The following TACO1 variants were observed in gnomAD, a reference collection of about 807,000 sequenced individuals.
TACO1 encodes the protein translational activator of cytochrome c oxidase 1.
In TACO1, 13 loss-of-function variants were observed where a neutral mutation model predicts 24.0. The ratio of observed to expected loss-of-function variants is 0.54; its 90% CI spans 0.35 to 0.86. The LOEUF (loss-of-function observed/expected upper bound fraction) is 0.86, where lower values mean the gene tolerates loss of function less well. TACO1 is among the 40% of genes least tolerant of loss of function. The pLI, the probability that TACO1 is intolerant of heterozygous loss-of-function variation, is 0.01. For synonymous variants in TACO1, 149 were observed against 153.5 expected, an observed-to-expected ratio of 0.97 and a Z score of 0.22; for missense variants, 352 against 380.1, an observed-to-expected ratio of 0.93 and a Z score of 0.61.
Position 63,607,307 on chromosome 17 carries a change from C to A in TACO1, c.536C>A (p.Ala179Asp). The A allele has an allele frequency of 6.2e-7, 1 of 1,613,928 alleles. No homozygotes were observed. Among genetic ancestry groups the A allele is most frequent in the South Asian group, 1.1e-5 (1 of 91,074 alleles). The stretch of plus-strand genomic sequence containing the variant: ...GTCAGAGGAGTGATGGCTGTAGGAG[C>A]TCGTCACTCTTTTGACAAAAAGGGG... ...NKNGGVMAVG[A>D]RHSFDKKGVI... Residue 179 changes from alanine to aspartate, a missense_variant, in exon 4 of 5, where the codon GCT becomes GAT. Coordinates refer to ENST00000258975, the MANE Select transcript of TACO1 (RefSeq NM_016360.4).
intron 2 of TACO1, among the ~76,000 whole-genome samples, chr17:63,605,204 G>A (rs752721532): frequency 6.6e-6 from 1 of 152,068 alleles, no homozygotes; most frequent in Admixed American, 6.6e-5. Context: ...GGGAGATGAG[G>A]TATTATAGAA....
In TACO1 at chr17:63,604,627, C is replaced by T. The variant is rs761706694; in HGVS notation, c.374C>T (p.Ala125Val). 1 of 1,613,796 alleles carries T rather than the reference C, an allele frequency of 6.2e-7. No individual in the cohort carries two copies. The highest frequency in any genetic ancestry group is 1.3e-5 in the African/African-American group (1 of 74,908). Reference sequence around the variant, plus strand: ...ATGCCCAAGTCAACGATTGAGACAGCACTGAAAATGGAGGTGTGTACTGTT... The same window carrying T: ...ATGCCCAAGTCAACGATTGAGACAGTACTGAAAATGGAGGTGTGTACTGTT... The part of the protein sequence containing the change: ...KHMPKSTIET[A>V]LKMEKSKDTY... Residue 125 changes from alanine to valine, a missense_variant, in exon 2 of 5, where the codon GCA (alanine) becomes GTA (valine). Transcript: ENST00000258975.
At chr17:63,603,687 G>T (rs1315890123) in intron 1 of TACO1, among the ~76,000 whole-genome samples, 1 of 151,750 alleles carries the variant, frequency 6.6e-6, no homozygotes, top group East Asian at 1.9e-4. Flanking sequence ...CTGCACTCCA[G>T]CATGGATGAC....
rs1161754844 is a variant in TACO1 at position 63,607,814 on chromosome 17, G to T, written c.706G>T (p.Ala236Ser). ...CCTTTATCCCTAGTTTATTTGTGAT[G>T]CCTCTTCACTGCACCAAGTGAGGAA... ...ERNVFKFICD[A>S]SSLHQVRKKL... The change falls in exon 5 of 5, where the codon GCC (alanine) becomes TCC (serine). Residue 236 changes from alanine to serine, a missense_variant. Transcript: ENST00000258975. The T allele has an allele frequency of 1.2e-5, 19 of 1,613,932 alleles. No individual in the cohort carries two copies. Among genetic ancestry groups the T allele is most frequent in the Non-Finnish European group, 1.5e-5 (18 of 1,180,002 alleles).
chr17:63,604,437 T>C (rs1280604731), intron 1 of TACO1, 97 bp from the exon 2 acceptor site: 1 of 1,002,498 alleles, frequency 1.0e-6, no homozygotes, highest in Non-Finnish European at 1.6e-6. Flanking sequence ...GATTTGCCAC[T>C]CCTTTGGCTT....
In TACO1 at chr17:63,607,987, T is replaced by C. The variant is rs1598046249; in HGVS notation, c.879T>C (p.Tyr293=). 6.2e-7 allele frequency: 1 copy of C among 1,614,182 alleles called. No individual in the cohort carries two copies. The highest frequency in any genetic ancestry group is 1.1e-5 in the South Asian group (1 of 91,086). The change falls in exon 5 of 5, where the codon TAT becomes TAC. Residue 293 remains tyrosine, a synonymous_variant. Transcript: ENST00000258975. The part of the protein sequence containing the change: ...LSNHEDVIHV[Y]DNIE The stretch of plus-strand genomic sequence containing the variant: ...ACCACGAGGATGTGATTCACGTCTA[T>C]GATAACATTGAATAACCAGGCTACA...
At chr17:63,607,261 T>A (rs1237908258) in intron 3 of TACO1, 26 bp from the exon 4 acceptor site, 2 of 1,611,106 alleles carry the variant, frequency 1.2e-6, no homozygotes, top group Admixed American at 3.3e-5. Flanking sequence ...CATCCACTCA[T>A]GCCAGCCTGT....
Position 63,608,294 on chromosome 17 carries a change from G to T in TACO1, c.*292G>T. The stretch of plus-strand genomic sequence containing the variant: ...ATGTTGGGTAGCTGGCCTCTGTGGG[G>T]ATTGTAAGTGCCCTGAGGCGCTCTG... On this transcript the variant is annotated 3_prime_UTR_variant, in exon 5 of 5. Coordinates refer to ENST00000258975, the MANE Select transcript of TACO1 (RefSeq NM_016360.4). The T allele has an allele frequency of 2.1e-6, 1 of 481,384 alleles. No individual in the cohort carries two copies. Among genetic ancestry groups the T allele is most frequent in the Non-Finnish European group, 3.8e-6 (1 of 262,356 alleles). 29.8% of individuals were successfully genotyped at this position (481,384 alleles called of 1,614,324 possible).
In TACO1 at chr17:63,601,057, G is replaced by A. The variant is rs1365648967; in HGVS notation, c.-27G>A. 1.6e-5 allele frequency: 25 copies of A among 1,537,776 alleles called. No individual in the cohort carries two copies. The highest frequency in any genetic ancestry group is 2.2e-5 in the Non-Finnish European group (25 of 1,145,922). ...GCGCCGGCGTTGGCCGCTGCTGCTAGCAGCTTGAACCCCAGGGTCGGGACC... is the reference window on the plus strand; with the variant it reads ...GCGCCGGCGTTGGCCGCTGCTGCTAACAGCTTGAACCCCAGGGTCGGGACC... On this transcript the variant is annotated 5_prime_UTR_variant, in exon 1 of 5. Coordinates refer to ENST00000258975, the MANE Select transcript of TACO1 (RefSeq NM_016360.4).
intron 1 of TACO1, among the ~76,000 whole-genome samples, chr17:63,602,704 A>G (rs1480270946): frequency 1.3e-5 from 2 of 151,592 alleles, no homozygotes; most frequent in East Asian, 1.9e-4. Context: ...ATTTTTTTGT[A>G]TTTTTAATAG....
At chr17:63,607,203 G>A (rs2033868984) in intron 3 of TACO1, 84 bp from the exon 4 acceptor site, 1 of 1,253,402 alleles carries the variant, frequency 8.0e-7, no homozygotes, top group African/African-American at 1.5e-5. Flanking sequence ...GGGTAAGAAA[G>A]AGACAGTGAT....
In TACO1 at chr17:63,601,203, G is replaced by T. The variant is rs1328483293; in HGVS notation, c.120G>T (p.Arg40=). Residue 40 remains arginine (R), a synonymous_variant, in exon 1 of 5, where the codon CGG becomes CGT. Coordinates refer to ENST00000258975, the MANE Select transcript of TACO1 (RefSeq NM_016360.4). The part of the protein sequence containing the change: ...RDPRPSHPEP[R]GCGAAPGRTL... ...CCCGGCCCTCCCACCCCGAGCCCCG[G>T]GGCTGCGGTGCCGCTCCGGGCAGGA... 1 of 1,573,032 alleles carries T rather than the reference G, an allele frequency of 6.4e-7. No individual in the cohort carries two copies. The highest frequency in any genetic ancestry group is 1.2e-5 in the South Asian group (1 of 86,374).
In TACO1 at chr17:63,604,647, A is replaced by G; in HGVS notation, c.387+7A>G. The G allele has an allele frequency of 2.5e-6, 4 of 1,611,658 alleles. No individual in the cohort carries two copies. Among genetic ancestry groups the G allele is most frequent in the African/African-American group, 2.7e-5 (2 of 74,976 alleles). On this transcript the variant is annotated splice_region_variant and intron_variant, in intron 2 of 4. Transcript: ENST00000258975. ...GACAGCACTGAAAATGGAGGTGTGTACTGTTTGACATGCTTTTTATTGATC... is the reference window on the plus strand; with the variant it reads ...GACAGCACTGAAAATGGAGGTGTGTGCTGTTTGACATGCTTTTTATTGATC...
At chr17:63,602,732 G>A (rs1379569542) in intron 1 of TACO1, among the ~76,000 whole-genome samples, 2 of 151,870 alleles carry the variant, frequency 1.3e-5, no homozygotes, top group South Asian at 4.2e-4. Flanking sequence ...GTTTCACCAT[G>A]TTGGCCAGGC....
chr17:63,602,280 AAGAG>A (rs1026877078), intron 1 of TACO1, among the ~76,000 whole-genome samples: 15 of 149,918 alleles, frequency 1.0e-4, no homozygotes, highest in East Asian at 9.7e-4. Context: ...AAAAAAAAAA[AAGAG>A]AGAGAAACTG....
chr17:63,608,123 A>G lies in TACO1; in HGVS notation c.*121A>G. ...GGAGGCTCAGCAGGCCAGGAGGCCC[A>G]AGGACAGGACTTGCGACCTTGAAGC... On this transcript the variant is annotated 3_prime_UTR_variant, in exon 5 of 5. Transcript: ENST00000258975. 2.7e-6 allele frequency: 3 copies of G among 1,129,996 alleles called. No homozygotes were observed. Among genetic ancestry groups the G allele is most frequent in the Non-Finnish European group, 3.9e-6 (3 of 771,850 alleles). 70.0% of individuals were successfully genotyped at this position (1,129,996 alleles called of 1,614,324 possible). A position where few individuals can be genotyped will look rare whatever the true frequency, so the allele number is the denominator to read the frequency against.
chr17:63,607,899 C>G lies in TACO1; in HGVS notation c.791C>G (p.Ser264Ter). ...VSCALEFIPN[S>*]KVQLAEPDLE... ...TGTGCACTAGAGTTCATCCCCAACT[C>G]AAAGGTGCAGCTGGCTGAGCCCGAC... Residue 264 changes from serine to a stop codon, truncating the protein, a stop_gained, in exon 5 of 5, where the codon TCA becomes TGA. Coordinates refer to ENST00000258975, the MANE Select transcript of TACO1 (RefSeq NM_016360.4). LOFTEE classifies it high-confidence loss of function. 3 of 1,614,230 alleles carry G rather than the reference C, an allele frequency of 1.9e-6. No homozygotes were observed. The highest frequency in any genetic ancestry group is 2.5e-6 in the Non-Finnish European group (3 of 1,180,046).
chr17:63,608,118 G>C lies in TACO1; in HGVS notation c.*116G>C. 8.3e-7 allele frequency: 1 copy of C among 1,202,402 alleles called. No homozygotes were observed. Among genetic ancestry groups the C allele is most frequent in the East Asian group, 2.5e-5 (1 of 40,696 alleles). The allele number at this position is 1,202,402 out of a possible 1,614,324, so 74.5% of individuals were successfully genotyped here. A position where few individuals can be genotyped will look rare whatever the true frequency, so the allele number is the denominator to read the frequency against. ...CGGTGGGAGGCTCAGCAGGCCAGGA[G>C]GCCCAAGGACAGGACTTGCGACCTT... On this transcript the variant is annotated 3_prime_UTR_variant, in exon 5 of 5. Coordinates refer to ENST00000258975, the MANE Select transcript of TACO1 (RefSeq NM_016360.4).
chr17:63,601,604 A>G (rs2033822469), intron 1 of TACO1, among the ~76,000 whole-genome samples: 1 of 152,186 alleles, frequency 6.6e-6, no homozygotes, highest in African/African-American at 2.4e-5. Flanking sequence ...GCTGCTCTTA[A>G]GAAGATAAGC....
Sources: gnomAD v4.1 joint callset for allele counts (sites outside exome capture counted in the v4.1 genomes callset) on GRCh38, gnomAD v4.1.1 for gene constraint, MANE v1.5 for transcripts, NCBI Gene and HGNC (gene_info 2026-07-23, HGNC 2026-07-21) for gene names.